The following ARMCX4 variants were observed in gnomAD, a reference collection of about 807,000 sequenced individuals.
ARMCX4 encodes the protein armadillo repeat containing X-linked 4.
In ARMCX4, 3 loss-of-function variants were observed where a neutral mutation model predicts 34.7. The observed-to-expected ratio is 0.09, with a 90% CI of 0.04 to 0.22. The LOEUF is 0.22. ARMCX4 is among the 10% of genes least tolerant of loss of function. ARMCX4 has a pLI of 1.00. For missense variants in ARMCX4, 1,448 were observed against 1,720.8 expected, an observed-to-expected ratio of 0.84 and a Z score of 2.81; for synonymous variants, 513 against 632.8, an observed-to-expected ratio of 0.81 and a Z score of 2.84.
chrX:101,448,133 TC>T (rs1283836424), downstream of ARMCX4, among the ~76,000 whole-genome samples: 1 of 111,521 alleles, frequency 9.0e-6, no homozygotes, highest in Admixed American at 9.6e-5. Context: ...TTTAACATAA[TC>T]ACCTCCAGGT....
Position 101,439,376 on chromosome X carries a change from C to T in ARMCX4, n.165-4676C>T, listed in dbSNP as rs781950466. On this transcript the variant is annotated intron_variant and non_coding_transcript_variant, in intron 2 of 3. Transcript: ENST00000430461. ...GATGGGCTTCCCTTTGTGGGTAACC[C>T]GCCCTTTCTCTCTGGCTGCCCTTAA... Among the ~76,000 whole-genome samples, 849 of 111,476 alleles carry T rather than the reference C, an allele frequency of 7.6e-3. 12 individuals carry two copies. The highest frequency in any genetic ancestry group is 0.026 in the African/African-American group (790 of 30,659).
chrX:101,423,696 G>A (rs1555990453), intron 2 of ARMCX4, among the ~76,000 whole-genome samples: 1 of 110,949 alleles, frequency 9.0e-6, no homozygotes, highest in Admixed American at 9.6e-5. Context: ...AGGCTCCTAG[G>A]TAGATTTAGG....
downstream of ARMCX4, among the ~76,000 whole-genome samples, chrX:101,451,284 T>C (rs2016458077): frequency 8.9e-6 from 1 of 111,872 alleles, no homozygotes; most frequent in Non-Finnish European, 1.9e-5. Flanking sequence ...ATGGTCTAAA[T>C]GCTCCCTCTG....
At chrX:101,515,973 A>C (rs1322604318) in intron 11 of ARMCX4, among the ~76,000 whole-genome samples, 1 of 112,040 alleles carries the variant, frequency 8.9e-6, no homozygotes, top group African/African-American at 3.2e-5. Context: ...CAGAATTCAC[A>C]GTTAAGATTC....
intron 4 of ARMCX4, among the ~76,000 whole-genome samples, chrX:101,456,540 A>G (rs941582358): frequency 2.3e-4 from 25 of 111,002 alleles, no homozygotes; most frequent in Admixed American, 1.1e-3. Flanking sequence ...ATTTTAAAGT[A>G]CTATAGATAT....
chrX:101,454,070 A>G (rs1199586918), intron 4 of ARMCX4, among the ~76,000 whole-genome samples: 6 of 110,903 alleles, frequency 5.4e-5, no homozygotes, highest in African/African-American at 2.0e-4. Flanking sequence ...CCTACAGAAC[A>G]TAGTGATGGG....
At chrX:101,473,364 C>A (rs1556003511) in intron 4 of ARMCX4, among the ~76,000 whole-genome samples, 1 of 108,257 alleles carries the variant, frequency 9.2e-6, no homozygotes, top group African/African-American at 3.4e-5. Context: ...TAATGGGAGA[C>A]TTTAACACCC....
At chrX:101,441,559 C>G (rs1395268478) in intron 2 of ARMCX4, among the ~76,000 whole-genome samples, 1 of 99,255 alleles carries the variant, frequency 1.0e-5, no homozygotes, top group Non-Finnish European at 2.1e-5. Context: ...TGCATGTACA[C>G]ACACATGCAC....
At chrX:101,479,831 A>T (rs1384506990) in intron 4 of ARMCX4, among the ~76,000 whole-genome samples, 1 of 110,512 alleles carries the variant, frequency 9.0e-6, no homozygotes, top group African/African-American at 3.3e-5. Flanking sequence ...AAGATTTTTT[A>T]AAAATGAAAC....
chrX:101,461,842 T>G (rs1932625220), intron 4 of ARMCX4, among the ~76,000 whole-genome samples: 1 of 112,339 alleles, frequency 8.9e-6, no homozygotes, highest in African/African-American at 3.2e-5. Flanking sequence ...CTGTATAATT[T>G]TAATTAACAT....
chrX:101,432,590 G>C (rs1157011987), intron 2 of ARMCX4, among the ~76,000 whole-genome samples: 1 of 109,116 alleles, frequency 9.2e-6, no homozygotes, highest in Non-Finnish European at 1.9e-5. Context: ...GAACCTGGGA[G>C]GCAGAGGTTG....
In ARMCX4 at chrX:101,494,586, T is replaced by A; in HGVS notation, c.5997T>A (p.Thr1999=). Residue 1999 remains threonine (T), a synonymous_variant, in exon 6 of 6, where the codon ACT becomes ACA. Transcript: ENST00000423738. Reference sequence around the variant, plus strand: ...ATGGAGCCATGATCTGGTCGGAAACTAAGTTTGCACACCAAAGTGAGGCCA... The same window carrying A: ...ATGGAGCCATGATCTGGTCGGAAACAAAGTTTGCACACCAAAGTGAGGCCA... The part of the protein sequence containing the change: ...SWDGAMIWSE[T]KFAHQSEASF... The A allele has an allele frequency of 8.7e-7, 1 of 1,155,424 alleles. No individual in the cohort carries two copies. Among genetic ancestry groups the A allele is most frequent in the Non-Finnish European group, 1.1e-6 (1 of 872,574 alleles).
intron 4 of ARMCX4, among the ~76,000 whole-genome samples, chrX:101,467,479 A>G (rs1171866704): frequency 8.9e-6 from 1 of 112,320 alleles, no homozygotes; most frequent in Non-Finnish European, 1.9e-5. Context: ...AAAGGCTGGA[A>G]AGAAACCATC....
At chrX:101,433,218 A>G (rs868982424) in intron 2 of ARMCX4, among the ~76,000 whole-genome samples, 1 of 29,067 alleles carries the variant, frequency 3.4e-5, no homozygotes, top group Non-Finnish European at 1.1e-4. Flanking sequence ...ATACGCACAT[A>G]TATACATATA....
chrX:101,451,201 T>C (rs1158736589), downstream of ARMCX4, among the ~76,000 whole-genome samples: 1 of 111,536 alleles, frequency 9.0e-6, no homozygotes, highest in Non-Finnish European at 1.9e-5. Flanking sequence ...CAGAACACTT[T>C]AGCCTGTGGT....
chrX:101,435,977 G>C (rs1300328738), intron 2 of ARMCX4, among the ~76,000 whole-genome samples: 2 of 111,136 alleles, frequency 1.8e-5, no homozygotes, highest in Non-Finnish European at 3.8e-5. Flanking sequence ...TATTTCTGAG[G>C]GTTCTGTTCT....
chrX:101,481,012 A>G (rs1556005328), upstream of ARMCX4, among the ~76,000 whole-genome samples: 1 of 111,444 alleles, frequency 9.0e-6, no homozygotes, highest in African/African-American at 3.3e-5. Context: ...AGTCCCAGCT[A>G]CTGGGGAAGC....
At chrX:101,535,680 A>T (rs1156958979), downstream of ARMCX4, among the ~76,000 whole-genome samples, 1 of 111,664 alleles carries the variant, frequency 9.0e-6, no homozygotes, top group African/African-American at 3.2e-5. Context: ...CCAAAAAAAG[A>T]TAATTTATTA....
chrX:101,493,079 A>T lies in ARMCX4; in HGVS notation c.4490A>T (p.Asp1497Val). 8.7e-7 allele frequency: 1 copy of T among 1,152,970 alleles called. No individual in the cohort carries two copies. Among genetic ancestry groups the T allele is most frequent in the East Asian group, 3.3e-5 (1 of 30,634 alleles). The change falls in exon 6 of 6, where the codon GAT becomes GTT. Residue 1497 changes from aspartate (D) to valine (V), a missense_variant. Physicochemically the swap from Asp to Val is radical, Grantham distance 152 (BLOSUM62 -3). Transcript: ENST00000423738. ...GGGCTTAGGGACCAGTCTAGTGGAG[A>T]TTCCTGGGCTGGCACTGGGGACCAG... is the stretch of plus-strand genomic sequence containing the variant. Reference protein sequence around the residue: ...RLGLRDQSSGDSWAGTGDQAS... With the variant: ...RLGLRDQSSGVSWAGTGDQAS...
Sources: allele counts gnomAD v4.1 joint callset (sites outside exome capture counted in the v4.1 genomes callset), GRCh38; gene constraint gnomAD v4.1.1; transcripts MANE v1.5; gene names NCBI Gene and HGNC (gene_info 2026-07-23, HGNC 2026-07-21).